The following GALNTL6 variants were observed in gnomAD, a reference collection of about 807,000 sequenced individuals.
GALNTL6 encodes polypeptide N-acetylgalactosaminyltransferase-like 6.
GALNTL6 carries 46 observed loss-of-function variants against 73.7 expected under a neutral mutation model. That is an observed-to-expected ratio of 0.62 (90% CI 0.49 to 0.80). The LOEUF (loss-of-function observed/expected upper bound fraction) is 0.80. GALNTL6 is among the 30% of genes least tolerant of loss of function. The pLI is 0.00. For missense variants in GALNTL6, 604 were observed against 755.0 expected, an observed-to-expected ratio of 0.80 and a Z score of 2.34; for synonymous variants, 259 against 263.7, an observed-to-expected ratio of 0.98 and a Z score of 0.17.
At chr4:172,173,229 C>T (rs985947463) in intron 2 of GALNTL6, among the ~76,000 whole-genome samples, 1 of 152,202 alleles carries the variant, frequency 6.6e-6, no homozygotes, top group Admixed American at 6.5e-5. Context: ...AGTTATTTTC[C>T]TCAGAGTCCT....
chr4:172,455,701 C>G (rs1732371109), intron 5 of GALNTL6, among the ~76,000 whole-genome samples: 1 of 152,162 alleles, frequency 6.6e-6, no homozygotes, highest in East Asian at 1.9e-4. Flanking sequence ...AAGGCAGCAG[C>G]CACAGTCAGG....
intron 5 of GALNTL6, among the ~76,000 whole-genome samples, chr4:172,371,624 G>A (rs7691075): frequency 0.017 from 2,481 of 146,410 alleles, 57 homozygotes; most frequent in African/African-American, 0.058. Flanking sequence ...ACTTTCTGTC[G>A]CTCTGTCTCT....
chr4:172,926,746 A>G (rs1748082112), intron 8 of GALNTL6, among the ~76,000 whole-genome samples: 1 of 152,222 alleles, frequency 6.6e-6, no homozygotes, highest in Non-Finnish European at 1.5e-5. Context: ...ACATTTGATT[A>G]TACACTGGAC....
chr4:172,400,288 T>A (rs1743993139), intron 5 of GALNTL6, among the ~76,000 whole-genome samples: 1 of 152,178 alleles, frequency 6.6e-6, no homozygotes, highest in Non-Finnish European at 1.5e-5. Flanking sequence ...TACATTACAA[T>A]ACTACTATTA....
chr4:172,935,976 A>T (rs1280039862), intron 9 of GALNTL6, among the ~76,000 whole-genome samples: 1 of 152,152 alleles, frequency 6.6e-6, no homozygotes, highest in East Asian at 1.9e-4. Context: ...GAGACACCAC[A>T]AAAAAAGAAA....
In GALNTL6 at chr4:172,814,787, A is replaced by G. The variant is rs190026781; in HGVS notation, c.923+1064A>G. 4.3e-3 allele frequency among the ~76,000 whole-genome samples: 653 copies of G among 152,292 alleles called. 4 individuals are homozygous for G. Among genetic ancestry groups the G allele is most frequent in the African/African-American group, 0.015 (617 of 41,560 alleles). On this transcript the variant is annotated intron_variant, in intron 7 of 12. Transcript: ENST00000506823. The stretch of plus-strand genomic sequence containing the variant: ...ATTTCCTACACTTCTAGTCTTTAGA[A>G]AAATGAACTCCTGGGGAAGCAAAGG...
chr4:172,826,653 G>T (rs1742283054), intron 7 of GALNTL6, among the ~76,000 whole-genome samples: 1 of 152,194 alleles, frequency 6.6e-6, no homozygotes. Context: ...GGGGGAACGG[G>T]ACATCCCTTT....
chr4:172,623,905 GATATTTTACACATCAATT>G (rs1739058827), intron 5 of GALNTL6, among the ~76,000 whole-genome samples: 1 of 152,020 alleles, frequency 6.6e-6, no homozygotes, highest in East Asian at 1.9e-4. Context: ...TTATTCATGA[GATATTTTACACATCAATT>G]ATATTTTGCA....
chr4:172,381,189 A>G (rs1743271387), intron 5 of GALNTL6, among the ~76,000 whole-genome samples: 1 of 152,206 alleles, frequency 6.6e-6, no homozygotes, highest in African/African-American at 2.4e-5. Flanking sequence ...AGAAGTTAAG[A>G]CCTATGCTTT....
chr4:173,002,439 T>C (rs1383381571), intron 10 of GALNTL6, among the ~76,000 whole-genome samples: 1 of 151,696 alleles, frequency 6.6e-6, no homozygotes, highest in African/African-American at 2.4e-5. Flanking sequence ...CATCAATAGA[T>C]GAATGGATAC....
intron 10 of GALNTL6, among the ~76,000 whole-genome samples, chr4:172,958,630 C>T (rs1040104720): frequency 6.6e-6 from 1 of 152,080 alleles, no homozygotes; most frequent in Non-Finnish European, 1.5e-5. Context: ...CAGACATGAT[C>T]GGCAGGGAGC....
intron 7 of GALNTL6, among the ~76,000 whole-genome samples, chr4:172,833,904 C>T (rs1742770518): frequency 6.6e-6 from 1 of 152,152 alleles, no homozygotes; most frequent in Admixed American, 6.5e-5. Flanking sequence ...CAACTGAGGT[C>T]AGGAGTTCAA....
At chr4:172,036,793 T>G (rs575165505) in intron 2 of GALNTL6, among the ~76,000 whole-genome samples, 1 of 152,224 alleles carries the variant, frequency 6.6e-6, no homozygotes, top group East Asian at 1.9e-4. Context: ...TTGTTTCCAT[T>G]TATTTATTAC....
chr4:172,609,813 G>A (rs922512834), intron 5 of GALNTL6, among the ~76,000 whole-genome samples: 9 of 150,730 alleles, frequency 6.0e-5, no homozygotes, highest in South Asian at 4.2e-4. Context: ...CTATGAATCC[G>A]TCTGGTCCTG....
At chr4:172,199,566 G>A (rs955087600) in intron 2 of GALNTL6, among the ~76,000 whole-genome samples, 1 of 152,080 alleles carries the variant, frequency 6.6e-6, no homozygotes, top group Admixed American at 6.6e-5. Flanking sequence ...CATTCACTGT[G>A]GATTTCCAGT....
intron 2 of GALNTL6, among the ~76,000 whole-genome samples, chr4:172,183,379 T>G (rs892364825): frequency 2.0e-5 from 3 of 152,064 alleles, no homozygotes; most frequent in Non-Finnish European, 4.4e-5. Flanking sequence ...GGAAAGAGAG[T>G]GAACTTAGCT....
intron 5 of GALNTL6, among the ~76,000 whole-genome samples, chr4:172,351,340 T>C (rs914905252): frequency 5.3e-5 from 8 of 152,156 alleles, no homozygotes; most frequent in Non-Finnish European, 1.0e-4. Flanking sequence ...TGCCTTAACA[T>C]TTAAAACATC....
At chr4:172,967,492 C>T (rs1353594737) in intron 10 of GALNTL6, among the ~76,000 whole-genome samples, 1 of 148,586 alleles carries the variant, frequency 6.7e-6, no homozygotes, top group Non-Finnish European at 1.5e-5. Flanking sequence ...TTTGCCTATG[C>T]TTTTTTTTTT....
chr4:172,447,532 GA>G (rs1732067846), intron 5 of GALNTL6, among the ~76,000 whole-genome samples: 1 of 152,136 alleles, frequency 6.6e-6, no homozygotes, highest in Non-Finnish European at 1.5e-5. Flanking sequence ...CTGGCTTAAA[GA>G]TAGCAGAGAA....
Sources: allele counts gnomAD v4.1 joint callset (sites outside exome capture counted in the v4.1 genomes callset), GRCh38; gene constraint gnomAD v4.1.1; transcripts MANE v1.5; gene names NCBI Gene and HGNC (gene_info 2026-07-23, HGNC 2026-07-21).